CDK14: variants seen among roughly 807,000 people sequenced by gnomAD.
CDK14 encodes cyclin dependent kinase 14, also known as cyclin-dependent kinase 14.
In CDK14, 34 loss-of-function variants were observed where a neutral mutation model predicts 60.7. That is an observed-to-expected ratio of 0.56 (90% CI 0.43 to 0.75). The LOEUF is 0.75. Ranked by LOEUF, CDK14 falls within the 30% of genes least tolerant of loss-of-function variation. The pLI is 0.00. For synonymous variants in CDK14, 197 were observed against 203.7 expected (o/e 0.97, Z 0.28); for missense variants, 482 against 564.1 (o/e 0.85, Z 1.47).
intron 14 of CDK14, among the ~76,000 whole-genome samples, chr7:91,148,126 G>A (rs944803701): frequency 1.1e-4 from 17 of 152,290 alleles, no homozygotes; most frequent in Non-Finnish European, 2.4e-4. Context: ...TGTAATCTCA[G>A]CACTTTGAGA....
At chr7:91,085,858 G>A (rs975332493) in intron 12 of CDK14, among the ~76,000 whole-genome samples, 2 of 152,168 alleles carry the variant, frequency 1.3e-5, no homozygotes, top group African/African-American at 4.8e-5. Flanking sequence ...CAAGAAGGCC[G>A]CTGGCCTCTG....
intron 10 of CDK14, among the ~76,000 whole-genome samples, chr7:90,998,897 A>G (rs1795762610): frequency 6.6e-6 from 1 of 151,762 alleles, no homozygotes; most frequent in Non-Finnish European, 1.5e-5. Flanking sequence ...TCAAAAATAA[A>G]ATAAATAAAT....
chr7:90,694,960 C>T (rs1008445843), intron 2 of CDK14, among the ~76,000 whole-genome samples: 5 of 152,102 alleles, frequency 3.3e-5, no homozygotes, highest in Non-Finnish European at 5.9e-5. Context: ...TCAACTAAGA[C>T]CAGACATGAT....
chr7:91,004,171 A>G (rs73403342), intron 10 of CDK14, among the ~76,000 whole-genome samples: 3,349 of 152,310 alleles, frequency 0.022, 115 homozygotes, highest in African/African-American at 0.076. Flanking sequence ...AAGAAGAGAT[A>G]TATGAAATTG....
At position 90,790,826 on chromosome 7, in the gene CDK14, G is replaced by A. The variant is rs574690961; in HGVS notation, c.544+174G>A. ...ATCTCTTGCAGTCATGTCAAATCATGTTAAATGAAACAAGATTATCTGCTG... is the reference window on the plus strand; with the variant it reads ...ATCTCTTGCAGTCATGTCAAATCATATTAAATGAAACAAGATTATCTGCTG... On this transcript the variant is annotated intron_variant, in intron 5 of 14. Coordinates refer to ENST00000380050, the MANE Select transcript of CDK14 (RefSeq NM_001287135.2). Among the ~76,000 whole-genome samples, 6 of 152,294 alleles carry A rather than the reference G, an allele frequency of 3.9e-5. No individual in the cohort carries two copies. In the East Asian group the frequency reaches 1.2e-3, roughly 29 times the overall value.
At chr7:90,921,043 G>C (rs1793234576) in intron 8 of CDK14, among the ~76,000 whole-genome samples, 1 of 152,090 alleles carries the variant, frequency 6.6e-6, no homozygotes, top group Non-Finnish European at 1.5e-5. Context: ...AATCACTGTG[G>C]CTTTCCTAAT....
rs1798229252 is a variant in CDK14 at position 91,074,084 on chromosome 7, G to A, written c.1106-5348G>A. Among the ~76,000 whole-genome samples, 3 of 152,142 alleles carry A rather than the reference G, an allele frequency of 2.0e-5. No individual in the cohort carries two copies. In the South Asian group the frequency reaches 6.2e-4, roughly 32 times the overall value. On this transcript the variant is annotated intron_variant, in intron 11 of 14. Coordinates refer to ENST00000380050, the MANE Select transcript of CDK14 (RefSeq NM_001287135.2). ...CTTTAACACCCCAGTGTCAATATTA[G>A]ATTAATGAGACAGAAAATTAACAAG...
intron 14 of CDK14, among the ~76,000 whole-genome samples, chr7:91,204,134 T>G (rs1802810069): frequency 6.6e-6 from 1 of 152,128 alleles, no homozygotes; most frequent in Admixed American, 6.5e-5. Context: ...ACTGTTGGGA[T>G]GTAGAGGTAG....
At chr7:91,137,693 GGTGTGT>G (rs1197264075) in intron 14 of CDK14, among the ~76,000 whole-genome samples, 4 of 97,116 alleles carry the variant, frequency 4.1e-5, no homozygotes, top group African/African-American at 6.8e-5. Flanking sequence ...ACTTGTGGGG[GGTGTGT>G]GTGTGTGTGT....
At chr7:91,202,223 G>A (rs760193613) in intron 14 of CDK14, among the ~76,000 whole-genome samples, 3 of 152,256 alleles carry the variant, frequency 2.0e-5, no homozygotes, top group South Asian at 2.1e-4. Context: ...GGGTACGGGC[G>A]ATCCAATTAA....
At chr7:90,648,838 G>T (rs887760300) in intron 2 of CDK14, among the ~76,000 whole-genome samples, 1 of 152,172 alleles carries the variant, frequency 6.6e-6, no homozygotes, top group Non-Finnish European at 1.5e-5. Context: ...CCTGACAGAG[G>T]AATGGTGTTC....
intron 14 of CDK14, among the ~76,000 whole-genome samples, chr7:91,131,767 A>C (rs1488442073): frequency 6.6e-6 from 1 of 152,180 alleles, no homozygotes; most frequent in Non-Finnish European, 1.5e-5. Flanking sequence ...AGCAAGTGTT[A>C]GCCCTTCAGT....
At chr7:91,095,736 A>G (rs1359085375) in intron 12 of CDK14, among the ~76,000 whole-genome samples, 1 of 152,078 alleles carries the variant, frequency 6.6e-6, no homozygotes, top group Non-Finnish European at 1.5e-5. Flanking sequence ...AATAAAAAAT[A>G]TATATACTAA....
At chr7:90,742,649 A>C (rs1211180477) in intron 3 of CDK14, among the ~76,000 whole-genome samples, 3 of 151,896 alleles carry the variant, frequency 2.0e-5, no homozygotes, top group African/African-American at 7.2e-5. Context: ...TCTACGTCAT[A>C]CTGCTTTATT....
At chr7:91,068,032 T>C (rs1349774954) in intron 11 of CDK14, among the ~76,000 whole-genome samples, 1 of 152,230 alleles carries the variant, frequency 6.6e-6, no homozygotes, top group African/African-American at 2.4e-5. Context: ...TCTTGCTTTC[T>C]TAATACCAAA....
At chr7:91,147,019 T>C (rs1378344621) in intron 14 of CDK14, among the ~76,000 whole-genome samples, 1 of 152,148 alleles carries the variant, frequency 6.6e-6, no homozygotes, top group Non-Finnish European at 1.5e-5. Flanking sequence ...TGGGTGGGTG[T>C]AGACAAGTCA....
intron 2 of CDK14, among the ~76,000 whole-genome samples, chr7:90,682,393 T>C (rs1386173747): frequency 6.6e-6 from 1 of 152,238 alleles, no homozygotes; most frequent in Non-Finnish European, 1.5e-5. Flanking sequence ...ACTAGCTTTG[T>C]TATTTTTTAT....
intron 14 of CDK14, among the ~76,000 whole-genome samples, chr7:91,192,536 A>G (rs1057400331): frequency 1.3e-5 from 2 of 152,140 alleles, no homozygotes; most frequent in Non-Finnish European, 2.9e-5. Context: ...GAGGGAACTT[A>G]TGGGTGGCCA....
chr7:91,121,874 A>G (rs141323674), intron 14 of CDK14, among the ~76,000 whole-genome samples: 240 of 152,352 alleles, frequency 1.6e-3, no homozygotes, highest in African/African-American at 4.4e-3. Context: ...TGGAAGCTGT[A>G]TTGAATACCA....
Sources: allele counts gnomAD v4.1 joint callset (sites outside exome capture counted in the v4.1 genomes callset), GRCh38; gene constraint gnomAD v4.1.1; transcripts MANE v1.5; gene names NCBI Gene and HGNC (gene_info 2026-07-23, HGNC 2026-07-21).